Variants in UBAP1 observed in about 807,000 individuals in gnomAD.
The protein encoded by UBAP1 is ubiquitin associated protein 1.
In UBAP1, 5 loss-of-function variants were observed where a neutral mutation model predicts 39.0. That is an observed-to-expected ratio of 0.13 (90% CI 0.07 to 0.27). The LOEUF (loss-of-function observed/expected upper bound fraction) is 0.27. Ranked by LOEUF, UBAP1 falls within the 10% of genes least tolerant of loss-of-function variation. The pLI is 1.00. For synonymous variants in UBAP1, 211 were observed against 225.1 expected (o/e 0.94, Z 0.56); for missense variants, 490 against 608.1 (o/e 0.81, Z 2.04).
intron 1 of UBAP1, among the ~76,000 whole-genome samples, chr9:34,214,846 G>A (rs537689132): frequency 6.6e-6 from 1 of 152,072 alleles, no homozygotes; most frequent in Non-Finnish European, 1.5e-5. Flanking sequence ...CTCAAAAGAG[G>A]ATATACAGAT....
intron 1 of UBAP1, among the ~76,000 whole-genome samples, chr9:34,186,903 TA>T (rs1830436154): frequency 6.6e-6 from 1 of 151,640 alleles, no homozygotes; most frequent in Non-Finnish European, 1.5e-5. Context: ...TGTTTTTTTT[TA>T]TTTTTTATTT....
chr9:34,196,839 TTTA>T (rs1040382653), intron 1 of UBAP1, among the ~76,000 whole-genome samples: 7 of 152,082 alleles, frequency 4.6e-5, no homozygotes, highest in Non-Finnish European at 8.8e-5. Context: ...AGATTTGCTT[TTTA>T]TTATTTGTTT....
Position 34,251,693 on chromosome 9 carries a change from G to C in UBAP1, c.*161G>C, listed in dbSNP as rs150766236. ...GCCAGTCTCTGTGAGCCTAGGCCCTGAGCTGGGGAGGTGGGGAAGATTCGG... is the reference window on the plus strand; with the variant it reads ...GCCAGTCTCTGTGAGCCTAGGCCCTCAGCTGGGGAGGTGGGGAAGATTCGG... On this transcript the variant is annotated 3_prime_UTR_variant, in exon 7 of 7. Coordinates refer to ENST00000297661, the MANE Select transcript of UBAP1 (RefSeq NM_016525.5). 5.7e-4 allele frequency: 442 copies of C among 774,242 alleles called. No individual in the cohort carries two copies. The African/African-American group carries it at 6.2e-3, about 11-fold the overall frequency. The allele number at this position is 774,242 out of a possible 1,614,324, so 48.0% of individuals were successfully genotyped here. A position where few individuals can be genotyped will look rare whatever the true frequency, so the allele number is the denominator to read the frequency against.
intron 1 of UBAP1, among the ~76,000 whole-genome samples, chr9:34,183,774 TG>T (rs1830222588): frequency 6.6e-6 from 1 of 150,430 alleles, no homozygotes; most frequent in South Asian, 2.1e-4. Context: ...GTTTGTTTTT[TG>T]TTTTTTTTTT....
rs1004365805 is a variant in UBAP1, at chr9:34,222,793, T to TCAAA, written c.34+1858_34+1861dup. ...AGCCAGAATCACATGAGAGCCTGTC[T>TCAAA]CAAACAAACAAACAAAAAATGATTC... On this transcript the variant is annotated intron_variant, in intron 2 of 6. Transcript: ENST00000297661. Among the ~76,000 whole-genome samples, 8 of 151,474 alleles carry TCAAA rather than the reference T, an allele frequency of 5.3e-5. No homozygotes were observed. In the South Asian group the frequency reaches 1.7e-3, roughly 32 times the overall value.
At chr9:34,190,519 A>T (rs774844741) in intron 1 of UBAP1, among the ~76,000 whole-genome samples, 2 of 151,236 alleles carry the variant, frequency 1.3e-5, no homozygotes, top group Middle Eastern at 3.4e-3. Flanking sequence ...TGAACTCCTG[A>T]TCTCAGGGGA....
intron 2 of UBAP1, chr9:34,224,170 C>A: frequency 1.7e-6 from 1 of 582,434 alleles, no homozygotes; most frequent in African/African-American, 1.9e-5. Context: ...TCATCGATTT[C>A]TTCTGAAATT....
chr9:34,232,583 A>T (rs2131604586), intron 2 of UBAP1, among the ~76,000 whole-genome samples: 1 of 152,262 alleles, frequency 6.6e-6, no homozygotes, highest in South Asian at 2.1e-4. Flanking sequence ...AAGGGTTGGG[A>T]GTAGGGGGCA....
At chr9:34,194,317 CTCT>C (rs1466538253) in intron 1 of UBAP1, among the ~76,000 whole-genome samples, 134 of 151,176 alleles carry the variant, frequency 8.9e-4, no homozygotes, top group African/African-American at 3.0e-3. Context: ...AAAATTCTCT[CTCT>C]TTTTTTTTTT....
chr9:34,219,647 C>T (rs1358354323), intron 1 of UBAP1, among the ~76,000 whole-genome samples: 1 of 149,928 alleles, frequency 6.7e-6, no homozygotes, highest in Non-Finnish European at 1.5e-5. Context: ...AAAAAAATGC[C>T]CCTGTGAACA....
intron 2 of UBAP1, among the ~76,000 whole-genome samples, chr9:34,233,980 G>A (rs1833558221): frequency 6.6e-6 from 1 of 152,166 alleles, no homozygotes; most frequent in African/African-American, 2.4e-5. Context: ...GGTGATGTGA[G>A]TACTTTGGCT....
chr9:34,188,177 C>G (rs1830510259), intron 1 of UBAP1, among the ~76,000 whole-genome samples: 1 of 148,056 alleles, frequency 6.8e-6, no homozygotes, highest in Admixed American at 6.9e-5. Context: ...ATACTGTTTA[C>G]AACCACCAGA....
chr9:34,184,338 A>G (rs2131490528), intron 1 of UBAP1, among the ~76,000 whole-genome samples: 1 of 151,310 alleles, frequency 6.6e-6, no homozygotes, highest in East Asian at 2.0e-4. Context: ...TTTTTTAGAT[A>G]GTCTCGCTCT....
At chr9:34,234,132 A>G in intron 2 of UBAP1, 84 bp from the exon 3 acceptor site, 5 of 1,384,020 alleles carry the variant, frequency 3.6e-6, no homozygotes, top group Non-Finnish European at 4.9e-6. Context: ...GCAAAAATTA[A>G]TGCATATCCG....
At chr9:34,200,684 G>A (rs562358398) in intron 1 of UBAP1, among the ~76,000 whole-genome samples, 2 of 152,198 alleles carry the variant, frequency 1.3e-5, no homozygotes, top group South Asian at 4.1e-4. Flanking sequence ...CTTATTAGTT[G>A]TCTTGAAAAC....
intron 1 of UBAP1, among the ~76,000 whole-genome samples, chr9:34,209,844 A>G (rs1280516746): frequency 3.9e-5 from 6 of 152,146 alleles, no homozygotes. Flanking sequence ...TCATAGATAA[A>G]TGTATGCATC....
chr9:34,230,527 A>T (rs917739165), intron 2 of UBAP1, among the ~76,000 whole-genome samples: 1 of 152,324 alleles, frequency 6.6e-6, no homozygotes, highest in East Asian at 1.9e-4. Context: ...GTTAATCAGG[A>T]TACTAGCCAA....
Position 34,241,786 on chromosome 9 carries a change from TCCC to T in UBAP1, c.765_767del (p.Pro256del). ...ATGTCACTGTCTTCCAAAGTGTCCCTCCCCCCTATACCTGCAGTAAGCAATATC... is the reference window on the plus strand; with the variant it reads ...ATGTCACTGTCTTCCAAAGTGTCCCTCCCTATACCTGCAGTAAGCAATATC... On this transcript the variant is annotated inframe_deletion, in exon 4 of 7. Transcript: ENST00000297661. 1 of 1,613,872 alleles carries T rather than the reference TCCC, an allele frequency of 6.2e-7. No individual in the cohort carries two copies. Among genetic ancestry groups the T allele is most frequent in the Non-Finnish European group, 8.5e-7 (1 of 1,179,952 alleles).
At chr9:34,250,507 GAC>G in intron 5 of UBAP1, 149 bp from the exon 6 acceptor site, 2 of 557,230 alleles carry the variant, frequency 3.6e-6, no homozygotes, top group South Asian at 4.0e-5. Flanking sequence ...TGTTGTGTTG[GAC>G]ACAGTCAAGG....
Sources: gnomAD v4.1 joint callset for allele counts (sites outside exome capture counted in the v4.1 genomes callset) on GRCh38, gnomAD v4.1.1 for gene constraint, MANE v1.5 for transcripts, NCBI Gene and HGNC (gene_info 2026-07-23, HGNC 2026-07-21) for gene names.